RNF216: variants seen among roughly 807,000 people sequenced by gnomAD.
RNF216 encodes the protein E3 ubiquitin-protein ligase RNF216.
A neutral mutation model predicts 110.8 loss-of-function variants in RNF216; 72 were observed. The observed-to-expected ratio is 0.65, with a 90% CI of 0.54 to 0.79. The LOEUF (loss-of-function observed/expected upper bound fraction) is 0.79, where lower values mean the gene tolerates loss of function less well. RNF216 is among the 30% of genes least tolerant of loss of function. RNF216 has a pLI of 0.00. For synonymous variants in RNF216, 495 were observed against 407.5 expected, an observed-to-expected ratio of 1.21 and a Z score of -2.59; for missense variants, 1,342 against 1,141.2, an observed-to-expected ratio of 1.18 and a Z score of -2.54.
intron 3 of RNF216, among the ~76,000 whole-genome samples, chr7:5,750,296 T>TAGG (rs1383308853): frequency 6.6e-6 from 1 of 152,228 alleles, no homozygotes; most frequent in Admixed American, 6.5e-5. Context: ...GACTAATGTC[T>TAGG]GCCCTGGTTT....
At chr7:5,666,280 G>C (rs1177138879) in intron 13 of RNF216, among the ~76,000 whole-genome samples, 1 of 152,114 alleles carries the variant, frequency 6.6e-6, no homozygotes, top group Non-Finnish European at 1.5e-5. Flanking sequence ...AGACATGATT[G>C]TAAGTGCTGA....
At chr7:5,779,047 T>A (rs544243395) in intron 1 of RNF216, among the ~76,000 whole-genome samples, 3 of 152,248 alleles carry the variant, frequency 2.0e-5, no homozygotes, top group Non-Finnish European at 4.4e-5. Flanking sequence ...TTCCCAACTA[T>A]GTTCTATTAT....
Position 5,741,410 on chromosome 7 carries a change from C to G in RNF216, c.607G>C (p.Asp203His), listed in dbSNP as rs529926878. The change falls in exon 4 of 17, where the codon GAC becomes CAC. Residue 203 changes from aspartate (D) to histidine (H), a missense_variant. Coordinates refer to ENST00000389902, the MANE Select transcript of RNF216 (RefSeq NM_207111.4). ...PLETQNQSSE[D>H]SETELLSNLG... ...TTTGATAACAGCTCTGTCTCTGAGT[C>G]TTCGGATGACTGGTTCTGAGTTTCC... is the stretch of plus-strand genomic sequence containing the variant. 30 of 1,614,182 alleles carry G rather than the reference C, an allele frequency of 1.9e-5. No homozygotes were observed. In the Middle Eastern group the frequency reaches 8.2e-4, roughly 44 times the overall value.
intron 13 of RNF216, among the ~76,000 whole-genome samples, chr7:5,687,675 C>T (rs761838953): frequency 1.3e-5 from 2 of 152,140 alleles, no homozygotes; most frequent in Non-Finnish European, 2.9e-5. Context: ...AAATTAAGTG[C>T]CCCCAAATGA....
chr7:5,695,969 C>T (rs561141229), intron 13 of RNF216, among the ~76,000 whole-genome samples: 1 of 152,306 alleles, frequency 6.6e-6, no homozygotes, highest in East Asian at 1.9e-4. Flanking sequence ...ACTTCATTTC[C>T]TCACACAACA....
At chr7:5,678,678 C>A (rs1470586859) in intron 13 of RNF216, among the ~76,000 whole-genome samples, 1 of 152,252 alleles carries the variant, frequency 6.6e-6, no homozygotes, top group African/African-American at 2.4e-5. Flanking sequence ...CCAGTCACAA[C>A]TGTGCCTCCT....
intron 14 of RNF216, among the ~76,000 whole-genome samples, chr7:5,642,951 C>T (rs1369282127): frequency 2.6e-5 from 4 of 151,944 alleles, no homozygotes. Flanking sequence ...TGGGAAGCTG[C>T]TCAAGGAGAG....
intron 14 of RNF216, among the ~76,000 whole-genome samples, chr7:5,641,687 C>T (rs1169187260): frequency 2.0e-5 from 3 of 152,128 alleles, no homozygotes; most frequent in Non-Finnish European, 4.4e-5. Flanking sequence ...GCCCAGTACT[C>T]AGCATTTAGA....
intron 7 of RNF216, among the ~76,000 whole-genome samples, chr7:5,728,322 G>A (rs763978808): frequency 1.3e-5 from 2 of 152,012 alleles, no homozygotes; most frequent in Non-Finnish European, 2.9e-5. Flanking sequence ...GCTCATGTAG[G>A]TAATCCCAGC....
chr7:5,624,150 T>A lies in RNF216; in HGVS notation c.2383-25A>T. ...CCTAAAACGCAAGCAATGAGAAGGA[T>A]GAACCTGTAGCTTCATGCAGTGCTG... is the stretch of plus-strand genomic sequence containing the variant. On this transcript the variant is annotated intron_variant, in intron 15 of 16. Coordinates refer to ENST00000389902, the MANE Select transcript of RNF216 (RefSeq NM_207111.4). The surrounding 1 kb of genome is among the most constrained non-coding windows in gnomAD (Gnocchi z 4.4). 6.2e-7 allele frequency: 1 copy of A among 1,604,894 alleles called. No homozygotes were observed. Among genetic ancestry groups the A allele is most frequent in the Non-Finnish European group, 8.5e-7 (1 of 1,173,876 alleles).
intron 13 of RNF216, among the ~76,000 whole-genome samples, chr7:5,683,707 C>T (rs1790796908): frequency 6.6e-6 from 1 of 152,160 alleles, no homozygotes; most frequent in Non-Finnish European, 1.5e-5. Context: ...CTCAGGGTTA[C>T]TGTGAGGATT....
At position 5,645,027 on chromosome 7, in the gene RNF216, G is replaced by A. The variant is rs186779411; in HGVS notation, c.2160-3651C>T. Among the ~76,000 whole-genome samples, 1,208 of 151,752 alleles carry A rather than the reference G, an allele frequency of 8.0e-3. 8 individuals are homozygous for A. Among genetic ancestry groups the A allele is most frequent in the Middle Eastern group, 0.017 (5 of 290 alleles). On this transcript the variant is annotated intron_variant, in intron 14 of 16. Transcript: ENST00000389902. ...TTTAGGCGTTTCATCATATTGGCCA[G>A]GGTCATCTCGAACTCCTGATCTCGT...
intron 13 of RNF216, among the ~76,000 whole-genome samples, chr7:5,668,012 G>A (rs774974457): frequency 1.3e-5 from 2 of 152,148 alleles, no homozygotes; most frequent in Non-Finnish European, 2.9e-5. Flanking sequence ...ATTTTAGGGC[G>A]CTGTGTAAAG....
intron 5 of RNF216, among the ~76,000 whole-genome samples, chr7:5,732,083 T>A (rs1029320492): frequency 4.6e-5 from 7 of 152,116 alleles, no homozygotes; most frequent in African/African-American, 1.4e-4. Flanking sequence ...ACACAACGCC[T>A]GAGGCCCAAA....
chr7:5,669,647 C>T (rs1285045523), intron 13 of RNF216, among the ~76,000 whole-genome samples: 3 of 152,194 alleles, frequency 2.0e-5, no homozygotes, highest in African/African-American at 7.2e-5. Flanking sequence ...AATCCCAGCA[C>T]TTTGGGAGGC....
Position 5,712,733 on chromosome 7 carries a change from T to G in RNF216, c.1964A>C (p.Tyr655Ser). ...AACGAACCTGACAAGCTCGTCGGCG[T>G]AGGCTGCCGCAACCTCCTCCTCGGC... ...RKAEEEVAAA[Y>S]ADELVRCPSC... Residue 655 changes from tyrosine (Y) to serine (S), a missense_variant, in exon 12 of 17, where the codon TAC (tyrosine) becomes TCC (serine). Transcript: ENST00000389902. 6.2e-7 allele frequency: 1 copy of G among 1,614,096 alleles called. No individual in the cohort carries two copies. The highest frequency in any genetic ancestry group is 8.5e-7 in the Non-Finnish European group (1 of 1,180,000).
chr7:5,682,477 G>C (rs1790722893), intron 13 of RNF216, among the ~76,000 whole-genome samples: 1 of 148,560 alleles, frequency 6.7e-6, no homozygotes, highest in African/African-American at 2.5e-5. Context: ...GCGCGGTCTT[G>C]TCTTACTGCA....
intron 1 of RNF216, among the ~76,000 whole-genome samples, chr7:5,763,940 G>C (rs547946861): frequency 2.0e-5 from 3 of 152,150 alleles, no homozygotes; most frequent in Admixed American, 6.6e-5. Context: ...TGTAATCTAA[G>C]CACCTTGGGA....
At chr7:5,778,454 A>C (rs1357760584) in intron 1 of RNF216, among the ~76,000 whole-genome samples, 1 of 152,208 alleles carries the variant, frequency 6.6e-6, no homozygotes, top group Admixed American at 6.6e-5. Flanking sequence ...CAATACTTTA[A>C]TATACTTATT....
Sources: gnomAD v4.1 joint callset for allele counts (sites outside exome capture counted in the v4.1 genomes callset) on GRCh38, gnomAD v4.1.1 for gene constraint, Gnocchi (gnomAD v3.1) non-coding constraint, MANE v1.5 for transcripts, NCBI Gene and HGNC (gene_info 2026-07-23, HGNC 2026-07-21) for gene names.